Variants in C10orf67 observed in about 807,000 individuals in gnomAD.
The protein encoded by C10orf67 is uncharacterized protein C10orf67, mitochondrial.
C10orf67 carries 60 observed loss-of-function variants against 35.6 expected under a neutral mutation model. That is an observed-to-expected ratio of 1.68 (90% CI 1.37 to 2.09). The LOEUF is 2.09. Ranked by LOEUF, C10orf67 falls within the 30% of genes most tolerant of loss-of-function variation. C10orf67 has a pLI of 0.00. For synonymous variants in C10orf67, 167 were observed against 115.8 expected, an observed-to-expected ratio of 1.44 and a Z score of -2.84; for missense variants, 474 against 330.2, an observed-to-expected ratio of 1.44 and a Z score of -3.38.
chr10:23,227,435 T>C (rs1841771698), intron 13 of C10orf67, among the ~76,000 whole-genome samples: 1 of 152,112 alleles, frequency 6.6e-6, no homozygotes, highest in Non-Finnish European at 1.5e-5. Context: ...ATGGGACATA[T>C]CTCAAAATAA....
At chr10:23,277,410 G>A (rs181544574) in intron 8 of C10orf67, among the ~76,000 whole-genome samples, 33 of 151,962 alleles carry the variant, frequency 2.2e-4, no homozygotes, top group Admixed American at 1.8e-3. Flanking sequence ...AAAATTAGCC[G>A]GACATCTTGG....
chr10:23,261,297 C>G (rs7919623), intron 10 of C10orf67, among the ~76,000 whole-genome samples: 611 of 152,218 alleles, frequency 4.0e-3, no homozygotes, highest in African/African-American at 0.014. Flanking sequence ...GGAGGAGATC[C>G]TCAAACTGTT....
chr10:23,304,867 C>T (rs1257705799), intron 4 of C10orf67, among the ~76,000 whole-genome samples: 1 of 152,180 alleles, frequency 6.6e-6, no homozygotes, highest in African/African-American at 2.4e-5. Context: ...AGACTAAGGT[C>T]CTGGAAGCAG....
intron 12 of C10orf67, among the ~76,000 whole-genome samples, chr10:23,248,055 G>A (rs1482380059): frequency 2.0e-5 from 3 of 152,186 alleles, no homozygotes; most frequent in Non-Finnish European, 2.9e-5. Flanking sequence ...CTAGTGCTGA[G>A]TGAGGGCAGG....
chr10:23,237,617 G>A (rs1388897966), intron 13 of C10orf67, among the ~76,000 whole-genome samples: 2 of 152,134 alleles, frequency 1.3e-5, no homozygotes, highest in African/African-American at 2.4e-5. Context: ...CAACTGCCAT[G>A]GATACATGCA....
intron 5 of C10orf67, among the ~76,000 whole-genome samples, chr10:23,297,664 C>A (rs1441174289): frequency 1.3e-5 from 2 of 152,146 alleles, no homozygotes. Flanking sequence ...CTAAAAGGTC[C>A]CCCTGAGCGG....
At chr10:23,300,652 G>A (rs1463019581) in intron 5 of C10orf67, among the ~76,000 whole-genome samples, 9 of 152,148 alleles carry the variant, frequency 5.9e-5, no homozygotes, top group Admixed American at 5.9e-4. Context: ...TCCTTTCCCT[G>A]TGTTGTAGTG....
intron 15 of C10orf67, among the ~76,000 whole-genome samples, chr10:23,211,375 A>T (rs895730362): frequency 6.6e-6 from 1 of 152,054 alleles, no homozygotes; most frequent in Non-Finnish European, 1.5e-5. Flanking sequence ...TGGCTTAATT[A>T]CATCTGCAGA....
chr10:23,293,984 TAA>T (rs1843801732), intron 5 of C10orf67, among the ~76,000 whole-genome samples: 1 of 152,184 alleles, frequency 6.6e-6, no homozygotes, highest in South Asian at 2.1e-4. Context: ...ATGTGAGCAG[TAA>T]AGTCTGAGAA....
intron 1 of C10orf67, among the ~76,000 whole-genome samples, chr10:23,342,093 G>T (rs1406128907): frequency 6.6e-6 from 1 of 152,060 alleles, no homozygotes; most frequent in Admixed American, 6.5e-5. Context: ...GACTCCAGGA[G>T]TTCAAGGCTG....
At chr10:23,295,978 A>T (rs949323340) in intron 5 of C10orf67, among the ~76,000 whole-genome samples, 2 of 152,240 alleles carry the variant, frequency 1.3e-5, no homozygotes, top group East Asian at 3.9e-4. Context: ...TTTAAATACG[A>T]TCCTTTAGAA....
At chr10:23,323,773 G>A (rs529882940) in intron 2 of C10orf67, among the ~76,000 whole-genome samples, 1 of 148,980 alleles carries the variant, frequency 6.7e-6, no homozygotes, top group South Asian at 2.1e-4. Flanking sequence ...TTAGCCAAGT[G>A]TGGCAGTGCG....
At chr10:23,293,446 C>G (rs1409511642) in intron 5 of C10orf67, among the ~76,000 whole-genome samples, 5 of 152,212 alleles carry the variant, frequency 3.3e-5, no homozygotes. Context: ...CTCTGTTACA[C>G]TCTGAGTGGC....
chr10:23,341,212 A>C (rs1014339451), intron 1 of C10orf67, among the ~76,000 whole-genome samples: 6 of 152,212 alleles, frequency 3.9e-5, no homozygotes, highest in Admixed American at 3.3e-4. Flanking sequence ...GATACAGCCG[A>C]GCTGAACCTC....
chr10:23,329,335 A>G (rs1845338207), intron 2 of C10orf67, among the ~76,000 whole-genome samples: 1 of 152,152 alleles, frequency 6.6e-6, no homozygotes, highest in South Asian at 2.1e-4. Context: ...TACCAAAAAT[A>G]AATACTTTAA....
intron 2 of C10orf67, among the ~76,000 whole-genome samples, chr10:23,325,856 A>G (rs909627208): frequency 6.6e-6 from 1 of 152,144 alleles, no homozygotes; most frequent in African/African-American, 2.4e-5. Flanking sequence ...ATATCAACAA[A>G]CAGAAAATTT....
chr10:23,298,158 G>C (rs1843954631), intron 5 of C10orf67, among the ~76,000 whole-genome samples: 1 of 152,180 alleles, frequency 6.6e-6, no homozygotes. Context: ...GGGAGGCTGA[G>C]GCAGGAGGAT....
intron 2 of C10orf67, among the ~76,000 whole-genome samples, chr10:23,324,084 C>T (rs1386433404): frequency 6.6e-6 from 1 of 150,398 alleles, no homozygotes; most frequent in Non-Finnish European, 1.5e-5. Flanking sequence ...CTCACCAGCA[C>T]CCGAGTGGCT....
intron 10 of C10orf67, among the ~76,000 whole-genome samples, chr10:23,251,653 T>G (rs1216385010): frequency 2.0e-5 from 3 of 152,080 alleles, no homozygotes; most frequent in Non-Finnish European, 4.4e-5. Context: ...GCTTCCAGAG[T>G]CATTGCTACT....
Sources: gnomAD v4.1 joint callset for allele counts (sites outside exome capture counted in the v4.1 genomes callset) on GRCh38, gnomAD v4.1.1 for gene constraint, MANE v1.5 for transcripts, NCBI Gene and HGNC (gene_info 2026-07-23, HGNC 2026-07-21) for gene names.